Variants in ZBTB7C observed in about 807,000 individuals in gnomAD.
The protein encoded by ZBTB7C is zinc finger and BTB domain-containing protein 7C.
A neutral mutation model predicts 25.7 loss-of-function variants in ZBTB7C; 8 were observed. The ratio of observed to expected loss-of-function variants is 0.31; its 90% confidence interval spans 0.18 to 0.56. The LOEUF (loss-of-function observed/expected upper bound fraction) is 0.56, where lower values mean the gene tolerates loss of function less well. Ranked by LOEUF, ZBTB7C falls within the 20% of genes least tolerant of loss-of-function variation. ZBTB7C has a pLI of 0.91. For missense variants in ZBTB7C, 824 were observed against 855.2 expected (o/e 0.96, Z 0.46); for synonymous variants, 394 against 369.0 (o/e 1.07, Z -0.78).
At chr18:48,393,841 A>G (rs975343527) in intron 1 of ZBTB7C, among the ~76,000 whole-genome samples, 4 of 152,178 alleles carry the variant, frequency 2.6e-5, no homozygotes, top group Non-Finnish European at 5.9e-5. Context: ...TTTCAGGAAG[A>G]CGAGACCCTC....
At chr18:48,361,898 G>A (rs960292037) in intron 1 of ZBTB7C, among the ~76,000 whole-genome samples, 5 of 152,306 alleles carry the variant, frequency 3.3e-5, no homozygotes, top group Admixed American at 2.6e-4. Context: ...CAGACACACA[G>A]CCCTCCAGCC....
intron 3 of ZBTB7C, chr18:48,137,046 G>A: frequency 1.0e-6 from 1 of 985,302 alleles, no homozygotes; most frequent in African/African-American, 1.7e-5. Context: ...CCCGGGCCGT[G>A]TCCTGAGCGC....
chr18:48,210,836 T>G lies in ZBTB7C; in HGVS notation c.-78-24841A>C, dbSNP rs189708066. Among the ~76,000 whole-genome samples the G allele has an allele frequency of 1.1e-3, 164 of 152,300 alleles. 1 individual carries two copies. The highest frequency in any genetic ancestry group is 3.6e-3 in the African/African-American group (150 of 41,534). ...GTAAATTATATATCAATTAAACTGT[T>G]TTTTTAAAAATTCCATAAAGTTTTT... is the stretch of plus-strand genomic sequence containing the variant. On this transcript the variant is annotated intron_variant, in intron 2 of 4. Coordinates refer to ENST00000590800, the MANE Select transcript of ZBTB7C (RefSeq NM_001318841.2).
rs538779259 is a variant in ZBTB7C at position 48,212,951 on chromosome 18, T to C, written c.-78-26956A>G. ...CTATGTGTGGGGGCTACAAAACTCC[T>C]CAAACCCAAGTGCAGCCACGTACAA... On this transcript the variant is annotated intron_variant, in intron 2 of 4. Coordinates refer to ENST00000590800, the MANE Select transcript of ZBTB7C (RefSeq NM_001318841.2). Among the ~76,000 whole-genome samples the C allele has an allele frequency of 1.4e-4, 21 of 152,298 alleles. 1 individual carries two copies. The highest frequency in any genetic ancestry group is 5.1e-4 in the African/African-American group (21 of 41,528).
intron 3 of ZBTB7C, among the ~76,000 whole-genome samples, chr18:48,043,359 C>T (rs2036337240): frequency 6.6e-6 from 1 of 152,150 alleles, no homozygotes; most frequent in Non-Finnish European, 1.5e-5. Flanking sequence ...AGGTGTATGG[C>T]TAAACATTGT....
At position 48,136,480 on chromosome 18, in the gene ZBTB7C, G is replaced by A. The variant is rs12455447; in HGVS notation, c.-17+49454C>T. 5.0e-3 allele frequency among the ~76,000 whole-genome samples: 759 copies of A among 152,238 alleles called. 6 individuals carry two copies. Among genetic ancestry groups the A allele is most frequent in the South Asian group, 0.026 (123 of 4,820 alleles). On this transcript the variant is annotated intron_variant, in intron 3 of 4. Coordinates refer to ENST00000590800, the MANE Select transcript of ZBTB7C (RefSeq NM_001318841.2). The stretch of plus-strand genomic sequence containing the variant: ...ATTTCTGCCCGTATCGCCGGCCCTC[G>A]ACTTTTGCCAAGTTGCCATGGCTTT...
intron 3 of ZBTB7C, chr18:48,041,609 T>C: frequency 1.1e-6 from 1 of 951,142 alleles, no homozygotes; most frequent in Non-Finnish European, 1.3e-6. Flanking sequence ...TTGCACTGGC[T>C]ACTAGGAAGC....
At chr18:48,403,055 A>C (rs2048197713) in intron 1 of ZBTB7C, among the ~76,000 whole-genome samples, 1 of 152,176 alleles carries the variant, frequency 6.6e-6, no homozygotes. Flanking sequence ...CCCTCCCTGC[A>C]TCCATGCTGG....
At chr18:48,411,871 A>G (rs930656786), upstream of ZBTB7C, among the ~76,000 whole-genome samples, 2 of 152,246 alleles carry the variant, frequency 1.3e-5, no homozygotes, top group African/African-American at 4.8e-5. Context: ...AGCTCATGGA[A>G]TAGCGTAAGC....
At chr18:48,253,998 G>T (rs2043946519) in intron 2 of ZBTB7C, among the ~76,000 whole-genome samples, 1 of 152,184 alleles carries the variant, frequency 6.6e-6, no homozygotes, top group South Asian at 2.1e-4. Flanking sequence ...CCAGCCTGAA[G>T]ACCCCCATAG....
chr18:48,358,581 C>T (rs949594868), intron 1 of ZBTB7C, among the ~76,000 whole-genome samples: 1 of 152,104 alleles, frequency 6.6e-6, no homozygotes, highest in Non-Finnish European at 1.5e-5. Context: ...TTTATAGCAA[C>T]GCAAAAACGG....
At chr18:48,408,265 T>G (rs891094563) in intron 1 of ZBTB7C, 1 of 152,448 alleles carries the variant, frequency 6.6e-6, no homozygotes, top group African/African-American at 2.4e-5. Context: ...CTCCTGGCCT[T>G]CATCCTAGTA....
At chr18:48,301,948 G>T (rs868569370) in intron 2 of ZBTB7C, among the ~76,000 whole-genome samples, 7 of 152,168 alleles carry the variant, frequency 4.6e-5, no homozygotes, top group Non-Finnish European at 8.8e-5. Context: ...ACATAAAGGC[G>T]AGAGTCTTCA....
At position 48,192,046 on chromosome 18, in the gene ZBTB7C, C is replaced by T. The variant is rs553380789; in HGVS notation, c.-78-6051G>A. ...TTGCCAACAACCAGAAGCAACTAGG[C>T]TGTCCTTCAGTAGCTGAGTGGATAA... On this transcript the variant is annotated intron_variant, in intron 2 of 4. Transcript: ENST00000590800. 4.6e-5 allele frequency among the ~76,000 whole-genome samples: 7 copies of T among 152,310 alleles called. No individual in the cohort carries two copies. In the South Asian group the frequency reaches 1.5e-3, roughly 32 times the overall value.
At chr18:48,327,351 T>C (rs1407608867) in intron 2 of ZBTB7C, among the ~76,000 whole-genome samples, 1 of 152,144 alleles carries the variant, frequency 6.6e-6, no homozygotes, top group East Asian at 1.9e-4. Flanking sequence ...AGTGTTCAAA[T>C]TCTCAGGACC....
chr18:48,103,112 T>TTATCTATC (rs61043835), intron 3 of ZBTB7C, among the ~76,000 whole-genome samples: 25,331 of 130,528 alleles, frequency 0.19, 2,623 homozygotes, highest in Middle Eastern at 0.24. Flanking sequence ...ATATTTTATA[T>TTATCTATC]TATCTATCTA....
At chr18:48,196,492 T>C (rs917599965) in intron 2 of ZBTB7C, among the ~76,000 whole-genome samples, 25 of 152,054 alleles carry the variant, frequency 1.6e-4, no homozygotes, top group Admixed American at 6.5e-5. Context: ...GGGGAAGGAT[T>C]TGGGGGTCAG....
chr18:48,083,769 G>A lies in ZBTB7C; in HGVS notation c.-16-42646C>T, dbSNP rs1598847046. On this transcript the variant is annotated intron_variant, in intron 3 of 4. Transcript: ENST00000590800. ...GAAGTTCCCCTGACTGTAAATGGTG[G>A]CTGGGTAAGGAAACTCCTTTGTTCC... The A allele has an allele frequency of 3.3e-6, 3 of 922,784 alleles. No individual in the cohort carries two copies. The African/African-American group carries it at 5.4e-5, about 17-fold the overall frequency. The allele number at this position is 922,784 out of a possible 1,614,324, so 57.2% of individuals were successfully genotyped here.
chr18:48,337,576 C>A (rs1209732162), intron 2 of ZBTB7C, among the ~76,000 whole-genome samples: 1 of 152,212 alleles, frequency 6.6e-6, no homozygotes, highest in African/African-American at 2.4e-5. Context: ...CCTCTCCAGA[C>A]CCCTACTCAT....
Sources: gnomAD v4.1 joint callset for allele counts (sites outside exome capture counted in the v4.1 genomes callset) on GRCh38, gnomAD v4.1.1 for gene constraint, MANE v1.5 for transcripts, NCBI Gene and HGNC (gene_info 2026-07-23, HGNC 2026-07-21) for gene names.